KCNT1: variants seen among roughly 807,000 people sequenced by gnomAD.
KCNT1 encodes the protein potassium channel subfamily T member 1.
A neutral mutation model predicts 147.8 loss-of-function variants in KCNT1; 78 were observed. The ratio of observed to expected loss-of-function variants is 0.53; its 90% CI spans 0.44 to 0.64. The LOEUF (loss-of-function observed/expected upper bound fraction) is 0.64, where lower values mean the gene tolerates loss of function less well. Ranked by LOEUF, KCNT1 falls within the 30% of genes least tolerant of loss-of-function variation. The probability of loss-of-function intolerance (pLI) is 0.00; values close to 1 mark genes in which losing one functional copy is unlikely to be tolerated. For synonymous variants in KCNT1, 867 were observed against 748.8 expected (o/e 1.16, Z -2.58); for missense variants, 1,419 against 1,750.3 (o/e 0.81, Z 3.38).
intron 20 of KCNT1, 83 bp downstream of exon 20, chr9:135,775,498 C>T: frequency 9.6e-7 from 1 of 1,043,354 alleles, no homozygotes; most frequent in Non-Finnish European, 1.4e-6. Flanking sequence ...TCTCTTTGGT[C>T]ACTTTACATT....
Position 135,758,432 on chromosome 9 carries a change from A to G in KCNT1, c.778A>G (p.Ile260Val). The G allele has an allele frequency of 6.2e-7, 1 of 1,613,376 alleles. No homozygotes were observed. Among genetic ancestry groups the G allele is most frequent in the Non-Finnish European group, 8.5e-7 (1 of 1,179,940 alleles). The change falls in exon 10 of 31, where the codon ATC (isoleucine) becomes GTC (valine). Residue 260 changes from isoleucine (I) to valine (V), a missense_variant. By Grantham distance (29) the Ile-to-Val change is conservative. Transcript: ENST00000371757. ...TCCACAGAATGACTTCCACCGTGCC[A>G]TCCTGCGGACACAGTCAGCCATGTT... ...ENMINDFHRAILRTQSAMFNQ... is the reference protein window; with the variant it reads ...ENMINDFHRAVLRTQSAMFNQ...
At chr9:135,774,586 C>T (rs1833020549) in intron 19 of KCNT1, among the ~76,000 whole-genome samples, 2 of 146,108 alleles carry the variant, frequency 1.4e-5, no homozygotes, top group African/African-American at 5.1e-5. Context: ...GTTGTGTGTC[C>T]ATGTGTGGTA....
At position 135,784,832 on chromosome 9, in the gene KCNT1, C is replaced by T. The variant is rs377554985; in HGVS notation, c.3099C>T (p.Ser1033=). Residue 1033 remains serine, a synonymous_variant, in exon 27 of 31, where the codon AGC becomes AGT. Transcript: ENST00000371757. ...GRLFQKLCSS[S]AEIPIGIYRT... is the part of the protein sequence containing the mutation. ...TCTTCCAGAAGCTCTGCTCCTCCAG[C>T]GCCGAGATCCCCATTGGCATCTACC... The T allele has an allele frequency of 2.6e-5, 42 of 1,612,740 alleles. No homozygotes were observed. The Middle Eastern group carries it at 4.9e-4, about 19-fold the overall frequency.
chr9:135,784,476 A>G (rs1833858538), intron 25 of KCNT1, 59 bp from the exon 26 acceptor site: 1 of 973,430 alleles, frequency 1.0e-6, no homozygotes, highest in Admixed American at 2.2e-5. Context: ...CGCGTGCCTC[A>G]CTGTGGCTCC....
chr9:135,731,719 C>T (rs563775661), intron 2 of KCNT1, among the ~76,000 whole-genome samples: 4 of 151,844 alleles, frequency 2.6e-5, no homozygotes, highest in African/African-American at 2.4e-5. Context: ...AGCATGGGAC[C>T]GTCATCCTCT....
intron 2 of KCNT1, among the ~76,000 whole-genome samples, chr9:135,722,867 T>C (rs1006626344): frequency 3.3e-5 from 5 of 152,038 alleles, no homozygotes; most frequent in African/African-American, 1.2e-4. Context: ...CCATCAGCGG[T>C]GGGGGCTTCA....
At position 135,795,356 on chromosome 9, in the gene KCNT1, A is replaced by C. The variant is rs564930131; in HGVS notation, c.*3195A>C. 6.6e-6 allele frequency: 1 copy of C among 152,168 alleles called. No homozygotes were observed. Among genetic ancestry groups the C allele is most frequent in the South Asian group, 2.1e-4 (1 of 4,816 alleles). 9.4% of individuals were successfully genotyped at this position (152,168 alleles called of 1,614,324 possible). On this transcript the variant is annotated 3_prime_UTR_variant, in exon 31 of 31. Coordinates refer to ENST00000371757, the MANE Select transcript of KCNT1 (RefSeq NM_020822.3). ...GTACCCAAGAGGCTGAGGAAGGAGGATCACCTGAGCTGGGGAGGTTGAGGC... is the reference window on the plus strand; with the variant it reads ...GTACCCAAGAGGCTGAGGAAGGAGGCTCACCTGAGCTGGGGAGGTTGAGGC...
At chr9:135,748,601 G>A (rs1164830217) in intron 2 of KCNT1, among the ~76,000 whole-genome samples, 2 of 152,226 alleles carry the variant, frequency 1.3e-5, no homozygotes, top group East Asian at 1.9e-4. Flanking sequence ...GCAGGAACAG[G>A]GGTTAGGCTG....
rs1314017938 is a variant in KCNT1, at chr9:135,784,736, C to T, written c.3028-25C>T. 3.1e-6 allele frequency: 5 copies of T among 1,610,450 alleles called. No individual in the cohort carries two copies. The Admixed American group carries it at 5.0e-5, about 16-fold the overall frequency. Reference sequence around the variant, plus strand: ...CTCTGGGTGCTGCCACCTGCCCCAGCCAACTCAGGGTTCCCACCCTGCAGA... The same window carrying T: ...CTCTGGGTGCTGCCACCTGCCCCAGTCAACTCAGGGTTCCCACCCTGCAGA... On this transcript the variant is annotated intron_variant, in intron 26 of 30. Coordinates refer to ENST00000371757, the MANE Select transcript of KCNT1 (RefSeq NM_020822.3).
chr9:135,741,379 A>G (rs1830561100), intron 2 of KCNT1, among the ~76,000 whole-genome samples: 1 of 152,170 alleles, frequency 6.6e-6, no homozygotes. Context: ...ACCCGCTGCC[A>G]TGGGCTGAGG....
At position 135,782,127 on chromosome 9, in the gene KCNT1, C is replaced by G. The variant is rs1180216312; in HGVS notation, c.2842-1897C>G. ...GCTAGGGCAGGAGAATTGTTTGAAC[C>G]CGGGATGCAGAGGTTGCAGTGAGCC... On this transcript the variant is annotated intron_variant, in intron 24 of 30. Transcript: ENST00000371757. Among the ~76,000 whole-genome samples the G allele has an allele frequency of 3.3e-5, 5 of 152,166 alleles. No individual in the cohort carries two copies. In the East Asian group the frequency reaches 9.6e-4, roughly 29 times the overall value.
intron 11 of KCNT1, among the ~76,000 whole-genome samples, chr9:135,764,505 C>A (rs140927218): frequency 1.3e-5 from 2 of 152,158 alleles, no homozygotes; most frequent in Non-Finnish European, 2.9e-5. Context: ...CCAGTGGGGC[C>A]GGTGCTGGGA....
intron 2 of KCNT1, chr9:135,736,688 G>A (rs1830355785): frequency 3.0e-6 from 1 of 333,070 alleles, no homozygotes; most frequent in East Asian, 4.5e-5. Flanking sequence ...GGCCCGGGGG[G>A]CGCCCCAGCC....
chr9:135,749,936 C>G (rs1239815870), intron 2 of KCNT1, among the ~76,000 whole-genome samples, 162 bp from the exon 3 acceptor site: 3 of 152,056 alleles, frequency 2.0e-5, no homozygotes, highest in Non-Finnish European at 4.4e-5. Flanking sequence ...ACCCCAGGAC[C>G]CTCCTGGGTC....
At chr9:135,786,640 G>C (rs773239868) in intron 29 of KCNT1, 119 bp downstream of exon 29, 30 of 983,400 alleles carry the variant, frequency 3.1e-5, no homozygotes, top group Non-Finnish European at 3.7e-5. Context: ...TCTGTCATCT[G>C]TCTGTCTGTC....
At chr9:135,743,233 C>T (rs910113449) in intron 2 of KCNT1, among the ~76,000 whole-genome samples, 2 of 152,276 alleles carry the variant, frequency 1.3e-5, no homozygotes, top group East Asian at 3.9e-4. Flanking sequence ...TGCCACTCCC[C>T]ACTGAGCCGC....
In KCNT1 at chr9:135,728,631, G is replaced by A. The variant is rs557252513; in HGVS notation, c.254+13911G>A. ...ACGGAGGGGCAGAGAGCCGGGGGCC[G>A]GAGAGTGAGGGCCGCAGCCACGGGC... On this transcript the variant is annotated intron_variant, in intron 2 of 30. Coordinates refer to ENST00000371757, the MANE Select transcript of KCNT1 (RefSeq NM_020822.3). 1.9e-3 allele frequency among the ~76,000 whole-genome samples: 286 copies of A among 152,352 alleles called. 2 individuals carry two copies. The highest frequency in any genetic ancestry group is 2.6e-3 in the Non-Finnish European group (177 of 68,040).
At chr9:135,786,548 CCGGA>C (rs764108176) in intron 29 of KCNT1, 27 bp downstream of exon 29, 23 of 1,542,174 alleles carry the variant, frequency 1.5e-5, no homozygotes, top group East Asian at 7.2e-5. Flanking sequence ...CGGGTGGGGG[CCGGA>C]CGGACGGACT....
intron 27 of KCNT1, 141 bp downstream of exon 27, chr9:135,785,030 C>G: frequency 7.4e-7 from 1 of 1,359,256 alleles, no homozygotes; most frequent in South Asian, 1.4e-5. Context: ...TGTCAGGGAC[C>G]TGGGCTAGAT....
Sources: gnomAD v4.1 joint callset for allele counts (sites outside exome capture counted in the v4.1 genomes callset) on GRCh38, gnomAD v4.1.1 for gene constraint, MANE v1.5 for transcripts, NCBI Gene and HGNC (gene_info 2026-07-23, HGNC 2026-07-21) for gene names.